Variants in PTPRG observed in about 807,000 individuals in gnomAD.
PTPRG encodes the protein receptor-type tyrosine-protein phosphatase gamma.
A neutral mutation model predicts 165.3 loss-of-function variants in PTPRG; 102 were observed. The observed-to-expected ratio is 0.62, with a 90% CI of 0.53 to 0.73. The LOEUF is 0.73. Among genes scored for constraint, PTPRG ranks in the 30% least tolerant of loss-of-function variants. The pLI is 0.00. For synonymous variants in PTPRG, 675 were observed against 669.5 expected (o/e 1.01, Z -0.13); for missense variants, 1,866 against 1,861.4 (o/e 1.00, Z -0.05).
intron 2 of PTPRG, among the ~76,000 whole-genome samples, chr3:61,872,619 TC>T (rs2037615425): frequency 6.6e-6 from 1 of 152,198 alleles, no homozygotes; most frequent in Admixed American, 6.5e-5. Context: ...ATTTTTTTTT[TC>T]ATGACCATTT....
chr3:61,772,325 C>G (rs2034234971), intron 2 of PTPRG, among the ~76,000 whole-genome samples: 1 of 152,004 alleles, frequency 6.6e-6, no homozygotes, highest in Non-Finnish European at 1.5e-5. Flanking sequence ...TGCTGCCAAT[C>G]ATGGTGATGT....
In PTPRG at chr3:61,632,004, C is replaced by T. The variant is rs150211351; in HGVS notation, c.85+69632C>T. 2.7e-3 allele frequency among the ~76,000 whole-genome samples: 405 copies of T among 152,184 alleles called. 2 individuals carry two copies. The highest frequency in any genetic ancestry group is 9.4e-3 in the African/African-American group (389 of 41,522). On this transcript the variant is annotated intron_variant, in intron 1 of 29. Coordinates refer to ENST00000474889, the MANE Select transcript of PTPRG (RefSeq NM_002841.4). ...GATCAATTCTGCAAAGGTAAGATTTCGGTCAAAAATCTATAGTCAGCTGGG... is the reference window on the plus strand; with the variant it reads ...GATCAATTCTGCAAAGGTAAGATTTTGGTCAAAAATCTATAGTCAGCTGGG...
chr3:61,925,182 A>C (rs2039177507), intron 2 of PTPRG, among the ~76,000 whole-genome samples: 1 of 152,232 alleles, frequency 6.6e-6, no homozygotes. Flanking sequence ...TTCTTTCAGT[A>C]AAACTTTATT....
At chr3:62,199,255 T>G (rs1700040407) in intron 10 of PTPRG, among the ~76,000 whole-genome samples, 1 of 152,182 alleles carries the variant, frequency 6.6e-6, no homozygotes, top group Admixed American at 6.5e-5. Context: ...GTTATTTGCT[T>G]TCTTTGCTAC....
chr3:61,783,600 T>C (rs2034607233), intron 2 of PTPRG, among the ~76,000 whole-genome samples: 1 of 151,336 alleles, frequency 6.6e-6, no homozygotes, highest in Admixed American at 6.6e-5. Flanking sequence ...TTGAGGAGGG[T>C]TGAGATGGTG....
At chr3:61,595,155 C>G (rs370973802) in intron 1 of PTPRG, among the ~76,000 whole-genome samples, 1 of 152,166 alleles carries the variant, frequency 6.6e-6, no homozygotes, top group South Asian at 2.1e-4. Context: ...TCTCCCACTT[C>G]CCCTGGACGA....
chr3:61,753,739 G>A (rs529860609), intron 2 of PTPRG: 29 of 368,290 alleles, frequency 7.9e-5, no homozygotes, highest in Non-Finnish European at 1.3e-4. Flanking sequence ...GATTATAGGT[G>A]TGCACAATCA....
intron 1 of PTPRG, among the ~76,000 whole-genome samples, chr3:61,584,827 T>C (rs1700394559): frequency 6.6e-6 from 1 of 152,194 alleles, no homozygotes; most frequent in South Asian, 2.1e-4. Flanking sequence ...CCCAGACCAA[T>C]GGAATCAGAA....
At chr3:61,848,420 A>G (rs778156317) in intron 2 of PTPRG, among the ~76,000 whole-genome samples, 4 of 152,182 alleles carry the variant, frequency 2.6e-5, no homozygotes, top group Non-Finnish European at 4.4e-5. Flanking sequence ...TCTGTTGGCA[A>G]ACTTCACATT....
Position 62,203,943 on chromosome 3 carries a change from T to C in PTPRG, c.2148T>C (p.Val716=), listed in dbSNP as rs758892699. The change falls in exon 12 of 30, where the codon GTT becomes GTC. Residue 716 remains valine, a synonymous_variant. Transcript: ENST00000474889. The surrounding 1 kb of genome is among the most constrained non-coding windows in gnomAD (Gnocchi z 6.4). The part of the protein sequence containing the change: ...RFSEDSRFIT[V]NPAEKNTSGM... ...CTGAAGACAGCAGATTTATCACTGTTAATCCAGGTAAGTGGTGCAGGTCTT... is the reference window on the plus strand; with the variant it reads ...CTGAAGACAGCAGATTTATCACTGTCAATCCAGGTAAGTGGTGCAGGTCTT... 12 of 1,567,848 alleles carry C rather than the reference T, an allele frequency of 7.7e-6. No individual in the cohort carries two copies. Among genetic ancestry groups the C allele is most frequent in the Non-Finnish European group, 1.0e-5 (12 of 1,153,688 alleles).
In PTPRG at chr3:62,195,236, C is replaced by A; in HGVS notation, c.1327+66C>A. The A allele has an allele frequency of 7.2e-7, 1 of 1,385,130 alleles. No individual in the cohort carries two copies. Among genetic ancestry groups the A allele is most frequent in the Non-Finnish European group, 1.0e-6 (1 of 972,462 alleles). The allele number at this position is 1,385,130 out of a possible 1,614,324, so 85.8% of individuals were successfully genotyped here. A position where few individuals can be genotyped will look rare whatever the true frequency, so the allele number is the denominator to read the frequency against. On this transcript the variant is annotated intron_variant, in intron 10 of 29. Coordinates refer to ENST00000474889, the MANE Select transcript of PTPRG (RefSeq NM_002841.4). This position sits in a 1 kb window ranked among gnomAD's most constrained non-coding sequence, Gnocchi z 4.4. Reference sequence around the variant, plus strand: ...GACTCCCTCCCAATGCTTTCTGCTTCTTCCTGCTCAGGTGCTGGGGAAAAA... The same window carrying A: ...GACTCCCTCCCAATGCTTTCTGCTTATTCCTGCTCAGGTGCTGGGGAAAAA...
chr3:62,260,105 G>C lies in PTPRG; in HGVS notation c.2560-2693G>C, dbSNP rs201991677. 3.9e-5 allele frequency among the ~76,000 whole-genome samples: 6 copies of C among 152,272 alleles called. No homozygotes were observed. The East Asian group carries it at 5.8e-4, about 15-fold the overall frequency. ...CCAGCACCTGTCAAAGGCCAGTTCT[G>C]TGTCCGACACTGTACATGCACTGGG... On this transcript the variant is annotated intron_variant, in intron 16 of 29. Transcript: ENST00000474889.
intron 4 of PTPRG, among the ~76,000 whole-genome samples, chr3:62,071,542 A>G (rs1247598462): frequency 2.0e-5 from 3 of 152,148 alleles, no homozygotes; most frequent in Admixed American, 6.6e-5. Flanking sequence ...TTCGTGATAC[A>G]CTCAGTCAGC....
At chr3:62,063,862 C>T (rs898639783) in intron 4 of PTPRG, among the ~76,000 whole-genome samples, 5 of 151,918 alleles carry the variant, frequency 3.3e-5, no homozygotes, top group East Asian at 1.9e-4. Context: ...AGTAGTTGTG[C>T]GTTTCATTGT....
intron 16 of PTPRG, among the ~76,000 whole-genome samples, chr3:62,261,555 C>A (rs866958184): frequency 1.1e-4 from 16 of 150,558 alleles, no homozygotes; most frequent in Non-Finnish European, 1.9e-4. Context: ...TCATTAAACA[C>A]ACTTTCCCAG....
intron 1 of PTPRG, among the ~76,000 whole-genome samples, chr3:61,720,236 G>T (rs1053847289): frequency 2.0e-4 from 30 of 151,768 alleles, no homozygotes; most frequent in African/African-American, 6.1e-4. Flanking sequence ...CAATTCTCCT[G>T]CCTCAGCCTC....
intron 13 of PTPRG, among the ~76,000 whole-genome samples, chr3:62,226,464 A>G (rs1211354496): frequency 6.6e-6 from 1 of 152,250 alleles, no homozygotes. Flanking sequence ...ACTCAGTTAC[A>G]TCTCCATTAT....
At chr3:62,134,683 TTG>T (rs1460129136) in intron 6 of PTPRG, among the ~76,000 whole-genome samples, 1 of 152,232 alleles carries the variant, frequency 6.6e-6, no homozygotes, top group Non-Finnish European at 1.5e-5. Context: ...ATAACTGTGT[TTG>T]TGTTTTTGGT....
chr3:62,033,215 C>T (rs1699826353), intron 4 of PTPRG, among the ~76,000 whole-genome samples: 1 of 152,126 alleles, frequency 6.6e-6, no homozygotes, highest in Non-Finnish European at 1.5e-5. Flanking sequence ...AACCTACTTT[C>T]CTGCTTTGTC....
Sources: allele counts gnomAD v4.1 joint callset (sites outside exome capture counted in the v4.1 genomes callset), GRCh38; gene constraint gnomAD v4.1.1; non-coding constraint Gnocchi (gnomAD v3.1); transcripts MANE v1.5; gene names NCBI Gene and HGNC (gene_info 2026-07-23, HGNC 2026-07-21).